ZNF346: variants seen among roughly 807,000 people sequenced by gnomAD.
The protein encoded by ZNF346 is zinc finger protein 346.
ZNF346 carries 23 observed loss-of-function variants against 33.7 expected under a neutral mutation model. The observed-to-expected ratio is 0.68, with a 90% CI of 0.49 to 0.97. The LOEUF (loss-of-function observed/expected upper bound fraction) is 0.97. ZNF346 is among the 50% of genes least tolerant of loss of function. The probability of loss-of-function intolerance (pLI) is 0.00; values close to 1 mark genes in which losing one functional copy is unlikely to be tolerated. For synonymous variants in ZNF346, 134 were observed against 142.4 expected (o/e 0.94, Z 0.42); for missense variants, 340 against 371.1 (o/e 0.92, Z 0.69).
downstream of ZNF346, among the ~76,000 whole-genome samples, chr5:177,072,577 C>T (rs1266920782): frequency 2.6e-5 from 4 of 152,128 alleles, no homozygotes; most frequent in Non-Finnish European, 4.4e-5. Flanking sequence ...AGGCCGGGCT[C>T]GGTGGCTCAC....
At chr5:177,049,208 A>G (rs903630425) in intron 4 of ZNF346, among the ~76,000 whole-genome samples, 1 of 152,212 alleles carries the variant, frequency 6.6e-6, no homozygotes, top group Non-Finnish European at 1.5e-5. Flanking sequence ...AAGCAGAGAA[A>G]CTGAAATTCC....
rs1366544593 is a variant in ZNF346, at chr5:177,067,344, G to A, written c.*2745G>A. On this transcript the variant is annotated 3_prime_UTR_variant, in exon 7 of 7. Coordinates refer to ENST00000358149, the MANE Select transcript of ZNF346 (RefSeq NM_012279.4). ...GTAGACAGCCAGATTTGAGGAAGGG[G>A]CCCAGGCAGCCTCAGCTCCCATTCA... Among the ~76,000 whole-genome samples the A allele has an allele frequency of 6.6e-6, 1 of 152,162 alleles. No individual in the cohort carries two copies. The highest frequency in any genetic ancestry group is 1.5e-5 in the Non-Finnish European group (1 of 68,038).
intron 1 of ZNF346, among the ~76,000 whole-genome samples, chr5:177,037,126 G>A (rs958040404): frequency 6.6e-6 from 1 of 152,150 alleles, no homozygotes; most frequent in Non-Finnish European, 1.5e-5. Context: ...GTTTTGTCCT[G>A]TTTTATTGTT....
downstream of ZNF346, among the ~76,000 whole-genome samples, chr5:177,071,779 G>C (rs913746876): frequency 6.6e-6 from 1 of 151,896 alleles, no homozygotes; most frequent in African/African-American, 2.4e-5. Flanking sequence ...CAGATGCTCT[G>C]ATGAGCAGTC....
intron 1 of ZNF346, among the ~76,000 whole-genome samples, chr5:177,027,848 G>A (rs1033928086): frequency 2.2e-4 from 33 of 151,352 alleles, no homozygotes; most frequent in African/African-American, 7.8e-4. Context: ...TTGCTCTGTT[G>A]CCCAGGCTGG....
intron 1 of ZNF346, among the ~76,000 whole-genome samples, chr5:177,038,420 G>A (rs1223337445): frequency 6.6e-6 from 1 of 150,788 alleles, no homozygotes; most frequent in Non-Finnish European, 1.5e-5. Flanking sequence ...GCCCTGTGAT[G>A]GTCTTTACTA....
Position 177,064,872 on chromosome 5 carries a change from T to G in ZNF346, c.*273T>G. ...GTAGTTTGGAGGGTGGCTTTCCCCA[T>G]TTCCCAACCCCTCTGGGCCTTAGGT... On this transcript the variant is annotated 3_prime_UTR_variant, in exon 7 of 7. Coordinates refer to ENST00000358149, the MANE Select transcript of ZNF346 (RefSeq NM_012279.4). 1 of 444,624 alleles carries G rather than the reference T, an allele frequency of 2.2e-6. No homozygotes were observed. Among genetic ancestry groups the G allele is most frequent in the Admixed American group, 3.6e-5 (1 of 27,586 alleles). 27.5% of individuals were successfully genotyped at this position (444,624 alleles called of 1,614,324 possible). A position where few individuals can be genotyped will look rare whatever the true frequency, so the allele number is the denominator to read the frequency against.
intron 8 of ZNF346, among the ~76,000 whole-genome samples, chr5:177,074,723 A>T (rs1230638148): frequency 1.3e-5 from 2 of 152,170 alleles, no homozygotes; most frequent in Non-Finnish European, 2.9e-5. Flanking sequence ...AGCCAGAAAA[A>T]TTGATAGAGG....
At chr5:177,035,608 C>G (rs2149607072) in intron 1 of ZNF346, among the ~76,000 whole-genome samples, 1 of 150,400 alleles carries the variant, frequency 6.6e-6, no homozygotes, top group African/African-American at 2.4e-5. Context: ...TTACAAGTGC[C>G]TTACCATCAC....
chr5:177,071,560 C>T (rs1783501134), downstream of ZNF346, among the ~76,000 whole-genome samples: 2 of 150,604 alleles, frequency 1.3e-5, no homozygotes, highest in South Asian at 4.2e-4. Context: ...GTGGCGGGTG[C>T]CTGTAGTCCC....
intron 8 of ZNF346, among the ~76,000 whole-genome samples, chr5:177,074,926 C>T (rs1783673429): frequency 6.6e-6 from 1 of 151,768 alleles, no homozygotes; most frequent in South Asian, 2.1e-4. Context: ...TTTAGCCGGG[C>T]ATGGTGGTGG....
intron 3 of ZNF346, 151 bp from the exon 4 acceptor site, chr5:177,044,238 A>G (rs570422038): frequency 1.2e-6 from 1 of 825,308 alleles, no homozygotes; most frequent in Admixed American, 2.7e-5. Context: ...AGTCTGGGAC[A>G]AAGTAGCTGG....
chr5:177,058,891 A>G (rs1198285229), intron 5 of ZNF346, among the ~76,000 whole-genome samples: 1 of 152,186 alleles, frequency 6.6e-6, no homozygotes, highest in Middle Eastern at 3.2e-3. Context: ...CTACCTTAGC[A>G]AAGAATTTAG....
intron 5 of ZNF346, among the ~76,000 whole-genome samples, chr5:177,060,169 G>T (rs1346459231): frequency 5.3e-5 from 8 of 152,162 alleles, no homozygotes; most frequent in Admixed American, 1.3e-4. Context: ...GCGTGAGGAG[G>T]TTTGGAGCCT....
At position 177,064,589 on chromosome 5, in the gene ZNF346, T is replaced by A; in HGVS notation, c.875T>A (p.Leu292Ter). 3 of 1,613,896 alleles carry A rather than the reference T, an allele frequency of 1.9e-6. No homozygotes were observed. The highest frequency in any genetic ancestry group is 2.5e-6 in the Non-Finnish European group (3 of 1,179,738). The change falls in exon 7 of 7, where the codon TTG (leucine) becomes TAG (stop). Residue 292 changes from leucine to a stop codon, truncating the protein, a stop_gained. Transcript: ENST00000358149. LOFTEE classifies it high-confidence loss of function. ...RQPIQKDSTTLED is the reference protein window; with the variant it reads ...RQPIQKDSTT ...CCCATTCAGAAAGACTCAACCACCT[T>A]GGAAGACTAGAGGTGATTCTGCCCA... is the stretch of plus-strand genomic sequence containing the variant.
At chr5:177,032,432 CAG>C (rs892923463) in intron 1 of ZNF346, among the ~76,000 whole-genome samples, 3 of 150,524 alleles carry the variant, frequency 2.0e-5, no homozygotes, top group Non-Finnish European at 4.4e-5. Context: ...TTTTTTGAGA[CAG>C]AGTTTCGCCC....
chr5:177,050,251 G>A (rs961373236), intron 4 of ZNF346, among the ~76,000 whole-genome samples: 3 of 152,190 alleles, frequency 2.0e-5, no homozygotes, highest in Admixed American at 6.5e-5. Flanking sequence ...AGGAACTCAA[G>A]CCTCAATTTC....
In ZNF346 at chr5:177,073,893, A is replaced by G. The variant is rs116189442; in HGVS notation, c.*3-5489A>G. Reference sequence around the variant, plus strand: ...GTCTTGTGAGTTGCTTTGATCAGAGAATTCAGTAACATGACTGTACGACTT... The same window carrying G: ...GTCTTGTGAGTTGCTTTGATCAGAGGATTCAGTAACATGACTGTACGACTT... On this transcript the variant is annotated intron_variant, in intron 8 of 8. Coordinates refer to the ZNF346 transcript ENST00000503039. 2.4e-3 allele frequency among the ~76,000 whole-genome samples: 358 copies of G among 152,112 alleles called. 3 individuals carry two copies. The highest frequency in any genetic ancestry group is 8.1e-3 in the African/African-American group (337 of 41,498).
chr5:177,045,972 G>T (rs1025409783), intron 4 of ZNF346, among the ~76,000 whole-genome samples: 1 of 151,964 alleles, frequency 6.6e-6, no homozygotes, highest in Non-Finnish European at 1.5e-5. Context: ...CTACTTCATC[G>T]GTTGTGAGGA....
Sources: gnomAD v4.1 joint callset for allele counts (sites outside exome capture counted in the v4.1 genomes callset) on GRCh38, gnomAD v4.1.1 for gene constraint, MANE v1.5 for transcripts, NCBI Gene and HGNC (gene_info 2026-07-23, HGNC 2026-07-21) for gene names.